PCDH15: variants seen among roughly 807,000 people sequenced by gnomAD.
The protein encoded by PCDH15 is protocadherin related 15.
Under a neutral mutation model 178.5 loss-of-function variants are expected in PCDH15, and 129 were observed. The observed-to-expected ratio is 0.72, with a 90% confidence interval of 0.63 to 0.84. The LOEUF is 0.84. PCDH15 is among the 40% of genes least tolerant of loss of function. The probability of loss-of-function intolerance (pLI) is 0.00; values close to 1 mark genes in which losing one functional copy is unlikely to be tolerated. For missense variants in PCDH15, 2,230 were observed against 2,099.9 expected (o/e 1.06, Z -1.21); for synonymous variants, 800 against 732.0 (o/e 1.09, Z -1.50).
At chr10:54,003,304 A>G (rs2092250956) in intron 20 of PCDH15, among the ~76,000 whole-genome samples, 2 of 152,140 alleles carry the variant, frequency 1.3e-5, no homozygotes, top group Non-Finnish European at 2.9e-5. Flanking sequence ...CAATAAAAAG[A>G]TCAATGAAAC....
chr10:54,775,077 T>C (rs1167188426), intron 1 of PCDH15, among the ~76,000 whole-genome samples: 1 of 152,158 alleles, frequency 6.6e-6, no homozygotes, highest in Non-Finnish European at 1.5e-5. Context: ...TATAAAAGAA[T>C]TATGAGGGAA....
intron 1 of PCDH15, among the ~76,000 whole-genome samples, chr10:54,676,793 C>T (rs1311460473): frequency 6.6e-6 from 1 of 152,116 alleles, no homozygotes; most frequent in Non-Finnish European, 1.5e-5. Context: ...TTAATAAGTA[C>T]AAAATCTCAT....
At chr10:54,305,455 G>A (rs1394813895) in intron 8 of PCDH15, among the ~76,000 whole-genome samples, 2 of 151,848 alleles carry the variant, frequency 1.3e-5, no homozygotes, top group African/African-American at 4.8e-5. Flanking sequence ...ATTATAAAAA[G>A]TAAAATATAT....
chr10:54,504,193 C>A (rs532453384), intron 3 of PCDH15, among the ~76,000 whole-genome samples: 3 of 152,100 alleles, frequency 2.0e-5, no homozygotes, highest in Non-Finnish European at 4.4e-5. Flanking sequence ...TGGCAATTTA[C>A]TTCTAAACAC....
rs1390449502 is a variant in PCDH15, at chr10:54,250,296, A to G, written c.877-13365T>C. 2.6e-5 allele frequency among the ~76,000 whole-genome samples: 3 copies of G among 117,408 alleles called. No individual in the cohort carries two copies. The East Asian group carries it at 7.1e-4, about 28-fold the overall frequency. The allele number at this position is 117,408 out of a possible 152,430, so 77.0% of individuals were successfully genotyped here. A position where few individuals can be genotyped will look rare whatever the true frequency, so the allele number is the denominator to read the frequency against. On this transcript the variant is annotated intron_variant, in intron 8 of 37. Coordinates refer to ENST00000644397, the MANE Select transcript of PCDH15 (RefSeq NM_001384140.1). ...TTTTTTTTTTTTTTTTTTTTTGGAGACAGAGTCTCGCTCTGTCAACCAGTT... is the reference window on the plus strand; with the variant it reads ...TTTTTTTTTTTTTTTTTTTTTGGAGGCAGAGTCTCGCTCTGTCAACCAGTT...
At chr10:55,373,187 G>T (rs965501798) in intron 2 of PCDH15, among the ~76,000 whole-genome samples, 1 of 152,102 alleles carries the variant, frequency 6.6e-6, no homozygotes, top group African/African-American at 2.4e-5. Flanking sequence ...TAAGGGGAAA[G>T]CTCCATGACT....
intron 10 of PCDH15, among the ~76,000 whole-genome samples, chr10:54,204,105 A>G (rs781071707): frequency 6.6e-6 from 1 of 152,176 alleles, no homozygotes; most frequent in Non-Finnish European, 1.5e-5. Context: ...TGACATTTGG[A>G]CATGTTTGTC....
intron 1 of PCDH15, among the ~76,000 whole-genome samples, chr10:55,169,496 G>A (rs1839276086): frequency 6.6e-6 from 1 of 152,108 alleles, no homozygotes; most frequent in African/African-American, 2.4e-5. Flanking sequence ...GGTTTATACT[G>A]TGATCTAATT....
At chr10:54,728,472 A>G (rs1489473663) in intron 1 of PCDH15, among the ~76,000 whole-genome samples, 1 of 151,474 alleles carries the variant, frequency 6.6e-6, no homozygotes, top group East Asian at 1.9e-4. Flanking sequence ...ACTGACCCAC[A>G]GAGAACATCA....
chr10:54,396,065 G>A (rs112120613), intron 3 of PCDH15, among the ~76,000 whole-genome samples: 4 of 152,070 alleles, frequency 2.6e-5, no homozygotes, highest in African/African-American at 7.2e-5. Flanking sequence ...CTAAAAGGAC[G>A]ATATACATTT....
At chr10:54,290,732 C>G (rs1564879081) in intron 8 of PCDH15, among the ~76,000 whole-genome samples, 1 of 152,212 alleles carries the variant, frequency 6.6e-6, no homozygotes, top group South Asian at 2.1e-4. Flanking sequence ...CTAAAAAAAG[C>G]AGGGGTTGCA....
chr10:54,496,983 C>T (rs1165064213), intron 3 of PCDH15, among the ~76,000 whole-genome samples: 7 of 152,080 alleles, frequency 4.6e-5, no homozygotes, highest in African/African-American at 1.7e-4. Context: ...CTGCAGTGCA[C>T]TCTCCTGCAG....
intron 9 of PCDH15, among the ~76,000 whole-genome samples, chr10:54,232,840 T>C (rs147787420): frequency 6.6e-6 from 1 of 152,200 alleles, no homozygotes; most frequent in Non-Finnish European, 1.5e-5. Context: ...GCTTCATTTA[T>C]TATCTCTACT....
At chr10:54,089,408 C>A (rs1192493013) in intron 16 of PCDH15, among the ~76,000 whole-genome samples, 1 of 152,202 alleles carries the variant, frequency 6.6e-6, no homozygotes, top group Non-Finnish European at 1.5e-5. Flanking sequence ...AGCATACAGT[C>A]TCTCTGAAGC....
intron 2 of PCDH15, among the ~76,000 whole-genome samples, chr10:55,066,806 A>C (rs1419874841): frequency 6.6e-6 from 1 of 151,284 alleles, no homozygotes; most frequent in Non-Finnish European, 1.5e-5. Context: ...TTAATTTATA[A>C]ATTTCTAGTT....
intron 2 of PCDH15, among the ~76,000 whole-genome samples, chr10:55,061,354 G>A (rs1357495103): frequency 2.0e-5 from 3 of 152,146 alleles, no homozygotes; most frequent in Non-Finnish European, 4.4e-5. Context: ...AGAACAACAA[G>A]TAGATGCTAC....
chr10:54,413,482 C>T (rs369527156), intron 3 of PCDH15, among the ~76,000 whole-genome samples: 7 of 152,186 alleles, frequency 4.6e-5, no homozygotes, highest in African/African-American at 1.4e-4. Flanking sequence ...TATTTCAAAA[C>T]CTTAGTGCTA....
intron 2 of PCDH15, among the ~76,000 whole-genome samples, chr10:55,586,238 GT>G (rs1842725214): frequency 1.3e-5 from 2 of 152,012 alleles, no homozygotes; most frequent in South Asian, 4.1e-4. Flanking sequence ...GGCAAAGCTG[GT>G]TTTTAAACTC....
chr10:54,227,094 A>C (rs2053540287), intron 9 of PCDH15, among the ~76,000 whole-genome samples: 1 of 152,116 alleles, frequency 6.6e-6, no homozygotes, highest in Admixed American at 6.5e-5. Flanking sequence ...GGGGTCTGTA[A>C]AATGGTGGCC....
Sources: allele counts gnomAD v4.1 joint callset (sites outside exome capture counted in the v4.1 genomes callset), GRCh38; gene constraint gnomAD v4.1.1; transcripts MANE v1.5; gene names NCBI Gene and HGNC (gene_info 2026-07-23, HGNC 2026-07-21).